COBLL1: variants seen among roughly 807,000 people sequenced by gnomAD.
The protein encoded by COBLL1 is cordon-bleu protein-like 1.
COBLL1 carries 50 observed loss-of-function variants against 94.8 expected under a neutral mutation model. The ratio of observed to expected loss-of-function variants is 0.53; its 90% CI spans 0.42 to 0.67. The LOEUF (loss-of-function observed/expected upper bound fraction) is 0.67. COBLL1 is among the 30% of genes least tolerant of loss of function. The pLI is 0.00. For missense variants in COBLL1, 1,362 were observed against 1,348.7 expected (o/e 1.01, Z -0.15); for synonymous variants, 448 against 473.8 (o/e 0.95, Z 0.71).
rs374444285 is a variant in COBLL1, at chr2:164,753,858, C to T, written c.42-9983G>A. Among the ~76,000 whole-genome samples, 41 of 151,740 alleles carry T rather than the reference C, an allele frequency of 2.7e-4. No individual in the cohort carries two copies. The East Asian group carries it at 5.2e-3, about 19-fold the overall frequency. On this transcript the variant is annotated intron_variant, in intron 2 of 13. Coordinates refer to ENST00000652658, the MANE Select transcript of COBLL1 (RefSeq NM_001365672.2). ...TTGGGTTCAAGCAATTCTCGTGCCT[C>T]AGCCTCCTGAGTAGCTGGAAGTATA...
At chr2:164,771,773 TAAG>T (rs1404123272) in intron 2 of COBLL1, among the ~76,000 whole-genome samples, 1 of 152,022 alleles carries the variant, frequency 6.6e-6, no homozygotes, top group Non-Finnish European at 1.5e-5. Context: ...TAAATTGTGA[TAAG>T]AAGGCATCTA....
At chr2:164,803,996 T>C (rs1362594562) in intron 2 of COBLL1, among the ~76,000 whole-genome samples, 1 of 150,784 alleles carries the variant, frequency 6.6e-6, no homozygotes. Context: ...TTCCTCTAGA[T>C]ACTGGTGAGA....
rs962421769 is a variant in COBLL1, at chr2:164,795,131, T to G, written c.41+46025A>C. Among the ~76,000 whole-genome samples, 10 of 152,188 alleles carry G rather than the reference T, an allele frequency of 6.6e-5. No homozygotes were observed. In the South Asian group the frequency reaches 1.9e-3, roughly 28 times the overall value. On this transcript the variant is annotated intron_variant, in intron 2 of 13. Transcript: ENST00000652658. The stretch of plus-strand genomic sequence containing the variant: ...AATATGCTTATTTTGAAAGGGAAAC[T>G]ACCCTAAATGTCTCTTTAAAGGTAC...
At chr2:164,804,153 A>G (rs960478309) in intron 2 of COBLL1, among the ~76,000 whole-genome samples, 1 of 151,882 alleles carries the variant, frequency 6.6e-6, no homozygotes, top group Non-Finnish European at 1.5e-5. Flanking sequence ...AGAAAATGAC[A>G]GAATCTGAGT....
chr2:164,708,954 T>C (rs1684743139), intron 7 of COBLL1, among the ~76,000 whole-genome samples: 2 of 152,194 alleles, frequency 1.3e-5, no homozygotes. Context: ...AATTTCTCAA[T>C]GAGAGTATCT....
downstream of COBLL1, among the ~76,000 whole-genome samples, chr2:164,677,005 C>A (rs1278043645): frequency 2.6e-5 from 4 of 152,000 alleles, no homozygotes; most frequent in Non-Finnish European, 4.4e-5. Context: ...CCTATGTGTC[C>A]CTTGCCTAAC....
chr2:164,687,945 A>C (rs1683391953), intron 13 of COBLL1, among the ~76,000 whole-genome samples: 1 of 152,228 alleles, frequency 6.6e-6, no homozygotes, highest in Admixed American at 6.5e-5. Flanking sequence ...TCCACGTAAA[A>C]TATGCTCATT....
chr2:164,720,310 C>T (rs1253540835), intron 7 of COBLL1, among the ~76,000 whole-genome samples: 2 of 151,918 alleles, frequency 1.3e-5, no homozygotes, highest in Admixed American at 1.3e-4. Context: ...ACAGGGGCAG[C>T]AACTGGTCAC....
chr2:164,776,761 CTTTTT>C (rs1162202061), intron 2 of COBLL1, among the ~76,000 whole-genome samples: 7 of 151,876 alleles, frequency 4.6e-5, no homozygotes, highest in Admixed American at 3.3e-4. Flanking sequence ...GAACACTTTT[CTTTTT>C]AATTTGATCA....
chr2:164,724,338 A>T (rs780205785), intron 5 of COBLL1: 2 of 152,170 alleles, frequency 1.3e-5, no homozygotes, highest in Non-Finnish European at 2.9e-5. Context: ...TCTCTCGCCA[A>T]AATCTGATCA....
In COBLL1 at chr2:164,695,754, T is replaced by C. The variant is rs1558928420; in HGVS notation, c.1638A>G (p.Val546=). ...TGTTGTTATTTTTGGCAACACCTTC[T>C]ACATTGATTTCTGTTTTCTTCACTC... The part of the protein sequence containing the change: ...KNGVKKTEIN[V]EGVAKNNNID... The change falls in exon 12 of 14, where the codon GTA becomes GTG. Residue 546 remains valine (V), a synonymous_variant. Transcript: ENST00000652658. 8 of 1,613,396 alleles carry C rather than the reference T, an allele frequency of 5.0e-6. No individual in the cohort carries two copies. The South Asian group carries it at 8.8e-5, about 18-fold the overall frequency.
At chr2:164,829,816 T>G (rs1414114682) in intron 2 of COBLL1, among the ~76,000 whole-genome samples, 1 of 152,176 alleles carries the variant, frequency 6.6e-6, no homozygotes, top group Non-Finnish European at 1.5e-5. Flanking sequence ...TGAAAACTAT[T>G]TAATTAGCAG....
intron 2 of COBLL1, among the ~76,000 whole-genome samples, chr2:164,805,139 CAAAAAA>C (rs1684025138): frequency 6.6e-6 from 1 of 150,728 alleles, no homozygotes; most frequent in African/African-American, 2.4e-5. Flanking sequence ...TTTAAGTTTA[CAAAAAA>C]TTGATCAAAA....
intron 2 of COBLL1, among the ~76,000 whole-genome samples, chr2:164,777,825 TCTAA>T (rs555532599): frequency 1.5e-4 from 23 of 152,196 alleles, no homozygotes; most frequent in Non-Finnish European, 2.6e-4. Context: ...GCTATTCAGA[TCTAA>T]CTAATTAATA....
At chr2:164,702,581 T>A (rs867205841) in intron 9 of COBLL1, among the ~76,000 whole-genome samples, 347 of 134,706 alleles carry the variant, frequency 2.6e-3, no homozygotes, top group South Asian at 8.2e-3. Flanking sequence ...AAAAAAATAA[T>A]AATAATAATA....
chr2:164,727,935 C>T, intron 5 of COBLL1, 34 bp downstream of exon 5: 1 of 1,378,292 alleles, frequency 7.3e-7, no homozygotes, highest in Non-Finnish European at 1.0e-6. Context: ...ATATACACAT[C>T]CCACTAAATA....
In COBLL1 at chr2:164,694,311, T is replaced by C. The variant is rs1683777205; in HGVS notation, c.3081A>G (p.Val1027=). The C allele has an allele frequency of 1.9e-6, 3 of 1,613,932 alleles. No individual in the cohort carries two copies. The highest frequency in any genetic ancestry group is 2.5e-6 in the Non-Finnish European group (3 of 1,179,866). ...ANTEEGKTHS[V]NKFVDIPQLG... ...GCTGTGGGATGTCCACAAATTTATT[T>C]ACAGAATGAGTCTTCCCTTCCTCTG... is the stretch of plus-strand genomic sequence containing the variant. The change falls in exon 12 of 14, where the codon GTA becomes GTG. Residue 1027 remains valine, a synonymous_variant. Transcript: ENST00000652658.
intron 7 of COBLL1, among the ~76,000 whole-genome samples, chr2:164,717,674 C>G (rs1439159907): frequency 6.6e-6 from 1 of 152,236 alleles, no homozygotes; most frequent in Non-Finnish European, 1.5e-5. Context: ...CCACCTCAGC[C>G]TCCTGAGTAG....
intron 2 of COBLL1, among the ~76,000 whole-genome samples, chr2:164,747,783 T>G (rs1045331653): frequency 2.6e-5 from 4 of 152,130 alleles, no homozygotes; most frequent in Non-Finnish European, 5.9e-5. Flanking sequence ...GCATTTACAT[T>G]AGACTTCTAG....
Sources: allele counts gnomAD v4.1 joint callset (sites outside exome capture counted in the v4.1 genomes callset), GRCh38; gene constraint gnomAD v4.1.1; transcripts MANE v1.5; gene names NCBI Gene and HGNC (gene_info 2026-07-23, HGNC 2026-07-21).